Variants in N4BP2 observed in about 807,000 individuals in gnomAD.
N4BP2 encodes NEDD4-binding protein 2.
A neutral mutation model predicts 152.8 loss-of-function variants in N4BP2; 91 were observed. The ratio of observed to expected loss-of-function variants is 0.60; its 90% CI spans 0.50 to 0.71. The LOEUF (loss-of-function observed/expected upper bound fraction) is 0.71. Ranked by LOEUF, N4BP2 falls within the 30% of genes least tolerant of loss-of-function variation. The pLI is 0.00. For missense variants in N4BP2, 1,923 were observed against 2,059.1 expected (o/e 0.93, Z 1.28); for synonymous variants, 646 against 705.3 (o/e 0.92, Z 1.33).
Position 40,102,145 on chromosome 4 carries a change from A to G in N4BP2, c.300A>G (p.Gln100=), listed in dbSNP as rs1393400055. 1 of 1,613,376 alleles carries G rather than the reference A, an allele frequency of 6.2e-7. No homozygotes were observed. The change falls in exon 4 of 18, where the codon CAA becomes CAG. Residue 100 remains glutamine (Q), a synonymous_variant. Transcript: ENST00000261435. ...CCAAGATAGAAGAATCATCTTCACA[A>G]AGTTTCGTTGCTTCTGAGAACCAAG... ...TDTKIEESSS[Q]SFVASENQVG...
intron 13 of N4BP2, 72 bp from the exon 14 acceptor site, chr4:40,136,872 T>G (rs1474458044): frequency 2.6e-6 from 3 of 1,136,032 alleles, no homozygotes. Flanking sequence ...TGTTTGAAGA[T>G]TGCTTGTGTT....
chr4:40,116,609 C>T (rs890030580), intron 7 of N4BP2, among the ~76,000 whole-genome samples: 1 of 152,120 alleles, frequency 6.6e-6, no homozygotes, highest in African/African-American at 2.4e-5. Context: ...TTTACATGCT[C>T]TCATTGTCCA....
the N4BP2 span, among the ~76,000 whole-genome samples, chr4:40,177,332 T>C: frequency 2.6e-5 from 4 of 152,090 alleles, no homozygotes; most frequent in East Asian, 7.7e-4. Context: ...TACTTCTTCC[T>C]GGGCCCGGCA....
intron 12 of N4BP2, among the ~76,000 whole-genome samples, chr4:40,127,957 G>A (rs930972656): frequency 1.3e-5 from 2 of 152,076 alleles, no homozygotes; most frequent in Non-Finnish European, 2.9e-5. Context: ...CGCCATTCCT[G>A]GCCAAAACAA....
chr4:40,105,141 C>G (rs1324528180), intron 4 of N4BP2, among the ~76,000 whole-genome samples: 1 of 151,910 alleles, frequency 6.6e-6, no homozygotes, highest in Non-Finnish European at 1.5e-5. Flanking sequence ...AGTATTCAAA[C>G]CAAAGGAAAA....
intron 16 of N4BP2, among the ~76,000 whole-genome samples, chr4:40,149,622 C>T (rs749943323): frequency 2.0e-5 from 3 of 152,172 alleles, no homozygotes; most frequent in Non-Finnish European, 4.4e-5. Context: ...AGGCCAGGCT[C>T]AGTGGCTCAT....
At chr4:40,122,985 T>C in intron 9 of N4BP2, 142 bp from the exon 10 acceptor site, 1 of 551,948 alleles carries the variant, frequency 1.8e-6, no homozygotes, top group South Asian at 2.7e-5. Context: ...ATAGAAATAC[T>C]CTAAGATTTA....
chr4:40,159,925 G>A (rs1472863451), downstream of N4BP2, among the ~76,000 whole-genome samples: 1 of 151,910 alleles, frequency 6.6e-6, no homozygotes, highest in African/African-American at 2.4e-5. Flanking sequence ...CCAGGCTGGA[G>A]TGCAGTGGTG....
At chr4:40,059,524 A>G (rs1733488532) in intron 1 of N4BP2, among the ~76,000 whole-genome samples, 1 of 151,768 alleles carries the variant, frequency 6.6e-6, no homozygotes, top group Non-Finnish European at 1.5e-5. Flanking sequence ...TAACTTCTGT[A>G]TTTTTAGTAG....
At chr4:40,161,899 G>A (rs1313924548), downstream of N4BP2, among the ~76,000 whole-genome samples, 1 of 152,296 alleles carries the variant, frequency 6.6e-6, no homozygotes, top group South Asian at 2.1e-4. Flanking sequence ...TAGCTGCTAC[G>A]TCTGCCGTAA....
chr4:40,123,922 AG>A (rs1287986016), intron 10 of N4BP2, among the ~76,000 whole-genome samples: 5 of 108,412 alleles, frequency 4.6e-5, no homozygotes, highest in Non-Finnish European at 1.1e-4. Flanking sequence ...CTTCATAACA[AG>A]AAATTTTTTT....
At chr4:40,145,761 C>T (rs1418786325) in intron 16 of N4BP2, among the ~76,000 whole-genome samples, 1 of 152,102 alleles carries the variant, frequency 6.6e-6, no homozygotes, top group Non-Finnish European at 1.5e-5. Flanking sequence ...GAAAAAGACA[C>T]ACAATCCTTG....
intron 12 of N4BP2, among the ~76,000 whole-genome samples, chr4:40,127,438 C>T (rs1718510550): frequency 6.6e-6 from 1 of 152,124 alleles, no homozygotes; most frequent in Non-Finnish European, 1.5e-5. Context: ...TGGTCTTACA[C>T]TCCTGGGCTC....
intron 7 of N4BP2, among the ~76,000 whole-genome samples, chr4:40,116,423 C>G (rs948573104): frequency 1.3e-5 from 2 of 151,818 alleles, no homozygotes. Flanking sequence ...TCCTATCATG[C>G]CTTATTTAAA....
chr4:40,073,192 A>G (rs1173550613), intron 1 of N4BP2, among the ~76,000 whole-genome samples: 4 of 152,194 alleles, frequency 2.6e-5, no homozygotes, highest in Non-Finnish European at 5.9e-5. Context: ...CTCATCAACT[A>G]AGGCTATTTT....
the N4BP2 span, among the ~76,000 whole-genome samples, chr4:40,189,804 G>A: frequency 6.6e-6 from 1 of 151,934 alleles, no homozygotes; most frequent in East Asian, 1.9e-4. This position sits in a 1 kb window ranked among gnomAD's most constrained non-coding sequence, Gnocchi z 4.3. Flanking sequence ...CAGGAGAATC[G>A]CTTGAACCCG....
intron 12 of N4BP2, among the ~76,000 whole-genome samples, chr4:40,130,442 T>G (rs947527140): frequency 1.3e-5 from 2 of 152,232 alleles, no homozygotes; most frequent in Non-Finnish European, 2.9e-5. Flanking sequence ...CTTTTATTGC[T>G]GTTTGGTGTT....
At chr4:40,159,139 A>G (rs976338743), downstream of N4BP2, among the ~76,000 whole-genome samples, 1 of 152,218 alleles carries the variant, frequency 6.6e-6, no homozygotes, top group Non-Finnish European at 1.5e-5. Context: ...TGTCAGAGGT[A>G]TAACTTGAAC....
chr4:40,158,180 A>C lies in N4BP2; in HGVS notation c.*3943A>C, dbSNP rs1371942012. The C allele has an allele frequency of 6.6e-6, 1 of 152,184 alleles. No individual in the cohort carries two copies. Among genetic ancestry groups the C allele is most frequent in the African/African-American group, 2.4e-5 (1 of 41,450 alleles). 9.4% of individuals were successfully genotyped at this position (152,184 alleles called of 1,614,324 possible). On this transcript the variant is annotated 3_prime_UTR_variant, in exon 18 of 18. Coordinates refer to ENST00000261435, the MANE Select transcript of N4BP2 (RefSeq NM_018177.6). ...CTTTTTAAATTGAAAATGTTTTATA[A>C]ATTTGCTTTTAAATTTTCTTATGAA...
Sources: gnomAD v4.1 joint callset for allele counts (sites outside exome capture counted in the v4.1 genomes callset) on GRCh38, gnomAD v4.1.1 for gene constraint, Gnocchi (gnomAD v3.1) non-coding constraint, MANE v1.5 for transcripts, NCBI Gene and HGNC (gene_info 2026-07-23, HGNC 2026-07-21) for gene names.